Variants in KIF1B observed in about 807,000 individuals in gnomAD.
KIF1B encodes the protein kinesin family member 1B.
KIF1B carries 76 observed loss-of-function variants against 241.9 expected under a neutral mutation model. That is an observed-to-expected ratio of 0.31 (90% CI 0.26 to 0.38). KIF1B has a LOEUF of 0.38. Among genes scored for constraint, KIF1B ranks in the 10% least tolerant of loss-of-function variants. The pLI is 1.00. For missense variants in KIF1B, 1,622 were observed against 2,271.4 expected (o/e 0.71, Z 5.81); for synonymous variants, 750 against 796.7 (o/e 0.94, Z 0.99).
At chr1:10,300,341 T>G (rs1267685896) in intron 22 of KIF1B, among the ~76,000 whole-genome samples, 1 of 151,606 alleles carries the variant, frequency 6.6e-6, no homozygotes, top group Non-Finnish European at 1.5e-5. Context: ...CATACAGTTT[T>G]TAGTATCACC....
At chr1:10,274,005 C>T (rs558723858) in intron 10 of KIF1B, among the ~76,000 whole-genome samples, 8 of 145,858 alleles carry the variant, frequency 5.5e-5, no homozygotes, top group Admixed American at 7.1e-5. Context: ...GGCACGATCT[C>T]GGCTCAGTGC....
chr1:10,232,242 T>G lies in KIF1B; in HGVS notation c.-79-8T>G. On this transcript the variant is annotated splice_polypyrimidine_tract_variant and splice_region_variant and intron_variant, in intron 1 of 48. Coordinates refer to ENST00000676179, the MANE Select transcript of KIF1B (RefSeq NM_001365951.3). ...ACTACCTCATATGGAATTTTTTTCT[T>G]TTCAAAGGAAACTTGGCTGTAACTT... is the stretch of plus-strand genomic sequence containing the variant. 1 of 1,063,586 alleles carries G rather than the reference T, an allele frequency of 9.4e-7. No individual in the cohort carries two copies. Among genetic ancestry groups the G allele is most frequent in the Non-Finnish European group, 1.4e-6 (1 of 710,232 alleles). The allele number at this position is 1,063,586 out of a possible 1,614,324, so 65.9% of individuals were successfully genotyped here. A position where few individuals can be genotyped will look rare whatever the true frequency, so the allele number is the denominator to read the frequency against.
At chr1:10,229,287 A>G (rs1269300055) in intron 1 of KIF1B, among the ~76,000 whole-genome samples, 1 of 152,216 alleles carries the variant, frequency 6.6e-6, no homozygotes, top group Non-Finnish European at 1.5e-5. Flanking sequence ...GAAAAAGATT[A>G]ATATAAAAAT....
intron 34 of KIF1B, chr1:10,344,738 C>A (rs899208978): frequency 1.3e-5 from 2 of 152,146 alleles, no homozygotes; most frequent in Non-Finnish European, 2.9e-5. Context: ...CTAAATGATT[C>A]ATAAAGCTCC....
At chr1:10,325,011 T>C in intron 26 of KIF1B, 116 bp downstream of exon 26, 4 of 1,121,542 alleles carry the variant, frequency 3.6e-6, no homozygotes, top group Non-Finnish European at 5.3e-6. Context: ...AAAAAGGCCT[T>C]ATCTATAATC....
intron 10 of KIF1B, among the ~76,000 whole-genome samples, chr1:10,273,446 T>G (rs901143202): frequency 6.6e-6 from 1 of 152,054 alleles, no homozygotes; most frequent in East Asian, 1.9e-4. Context: ...GTCCCAACTA[T>G]TCACGGGTTT....
intron 2 of KIF1B, among the ~76,000 whole-genome samples, chr1:10,239,767 C>T (rs1452860944): frequency 1.3e-5 from 2 of 151,482 alleles, no homozygotes; most frequent in Non-Finnish European, 2.9e-5. Flanking sequence ...ACCACCATGC[C>T]TGGCTAATTT....
At chr1:10,257,527 C>A (rs1425193173) in intron 3 of KIF1B, among the ~76,000 whole-genome samples, 1 of 151,730 alleles carries the variant, frequency 6.6e-6, no homozygotes. Context: ...CAAAAGATTA[C>A]CAGTATTACG....
chr1:10,308,536 TGTTA>T, intron 22 of KIF1B: 1 of 1,024,740 alleles, frequency 9.8e-7, no homozygotes, highest in Non-Finnish European at 1.2e-6. Flanking sequence ...AGAAAGGGAG[TGTTA>T]GTTTGTAATG....
At chr1:10,318,573 G>A (rs1305366820) in intron 22 of KIF1B, among the ~76,000 whole-genome samples, 1 of 147,218 alleles carries the variant, frequency 6.8e-6, no homozygotes, top group African/African-American at 2.7e-5. Context: ...ATAAAAATTA[G>A]TCGGGCATGG....
intron 39 of KIF1B, among the ~76,000 whole-genome samples, chr1:10,361,462 C>G (rs1638420232): frequency 6.6e-6 from 1 of 152,180 alleles, no homozygotes; most frequent in Non-Finnish European, 1.5e-5. Flanking sequence ...CCTCAGTTTC[C>G]TCACCTATCA....
chr1:10,347,919 C>A, intron 36 of KIF1B, 92 bp downstream of exon 36: 2 of 1,158,652 alleles, frequency 1.7e-6, no homozygotes, highest in Non-Finnish European at 2.6e-6. Context: ...CTGTTTTCAT[C>A]TCTATTTCAG....
rs751429277 is a variant in KIF1B, at chr1:10,296,877, A to T, written c.1862-20A>T. 1 of 1,610,286 alleles carries T rather than the reference A, an allele frequency of 6.2e-7. No individual in the cohort carries two copies. The highest frequency in any genetic ancestry group is 1.3e-5 in the African/African-American group (1 of 74,790). ...ATTAAAAAAATTATTTCTTAACCCTATTTTTCTGTTTTGTGCTAGGAAACC... is the reference window on the plus strand; with the variant it reads ...ATTAAAAAAATTATTTCTTAACCCTTTTTTTCTGTTTTGTGCTAGGAAACC... On this transcript the variant is annotated intron_variant, in intron 20 of 48. Transcript: ENST00000676179.
At chr1:10,289,082 T>C (rs1176294914) in intron 15 of KIF1B, among the ~76,000 whole-genome samples, 1 of 152,238 alleles carries the variant, frequency 6.6e-6, no homozygotes, top group Non-Finnish European at 1.5e-5. Flanking sequence ...ATTACTATAT[T>C]TCATTATCAT....
intron 9 of KIF1B, 88 bp downstream of exon 9, chr1:10,272,394 T>C: frequency 1.1e-6 from 1 of 881,286 alleles, no homozygotes; most frequent in Non-Finnish European, 1.9e-6. Context: ...GAAGGCTGTC[T>C]TTTTGTGGCC....
intron 43 of KIF1B, among the ~76,000 whole-genome samples, chr1:10,367,854 G>T (rs1358171066): frequency 6.6e-6 from 1 of 151,862 alleles, no homozygotes. Context: ...TCAGCCTCCC[G>T]AGTAGCTGGG....
At chr1:10,373,257 CTTT>C (rs35038013) in intron 45 of KIF1B, among the ~76,000 whole-genome samples, 13 of 128,252 alleles carry the variant, frequency 1.0e-4, no homozygotes, top group East Asian at 2.2e-4. Flanking sequence ...CTGCGCCGGC[CTTT>C]TTTTTTTTTT....
At chr1:10,343,958 T>C (rs1458355611) in intron 34 of KIF1B, among the ~76,000 whole-genome samples, 1 of 152,158 alleles carries the variant, frequency 6.6e-6, no homozygotes, top group Admixed American at 6.5e-5. Flanking sequence ...AAATTTATTC[T>C]GTATGTTCAG....
chr1:10,255,512 C>T (rs1647722720), intron 2 of KIF1B, among the ~76,000 whole-genome samples: 1 of 152,028 alleles, frequency 6.6e-6, no homozygotes. Context: ...ATTTCTTGAA[C>T]CCGGGATGAG....
Sources: gnomAD v4.1 joint callset for allele counts (sites outside exome capture counted in the v4.1 genomes callset) on GRCh38, gnomAD v4.1.1 for gene constraint, MANE v1.5 for transcripts, NCBI Gene and HGNC (gene_info 2026-07-23, HGNC 2026-07-21) for gene names.